The following FSD1L variants were observed in gnomAD, a reference collection of about 807,000 sequenced individuals.
The protein encoded by FSD1L is FSD1-like protein.
A neutral mutation model predicts 71.6 loss-of-function variants in FSD1L; 45 were observed. The observed-to-expected ratio is 0.63, with a 90% CI of 0.49 to 0.81. FSD1L has a LOEUF of 0.81. FSD1L is among the 30% of genes least tolerant of loss of function. FSD1L has a pLI of 0.00. For missense variants in FSD1L, 561 were observed against 618.1 expected, an observed-to-expected ratio of 0.91 and a Z score of 0.98; for synonymous variants, 197 against 207.2, an observed-to-expected ratio of 0.95 and a Z score of 0.42.
chr9:105,523,800 A>G, intron 10 of FSD1L: 1 of 1,600,820 alleles, frequency 6.2e-7, no homozygotes, highest in Non-Finnish European at 8.5e-7. Flanking sequence ...ATTACTTCAT[A>G]TTGACCAGGA....
intron 10 of FSD1L, chr9:105,520,927 TAG>T: frequency 6.2e-7 from 1 of 1,612,106 alleles, no homozygotes; most frequent in Non-Finnish European, 8.5e-7. Flanking sequence ...GTAAAAAGTT[TAG>T]AATGGAAGAA....
At chr9:105,500,198 T>C (rs935809732) in intron 7 of FSD1L, among the ~76,000 whole-genome samples, 6 of 152,230 alleles carry the variant, frequency 3.9e-5, no homozygotes, top group Non-Finnish European at 8.8e-5. Flanking sequence ...AGTCTTGTAA[T>C]TTTTTCTTGA....
At chr9:105,517,338 C>A (rs1834794003) in intron 10 of FSD1L, among the ~76,000 whole-genome samples, 1 of 152,144 alleles carries the variant, frequency 6.6e-6, no homozygotes, top group African/African-American at 2.4e-5. Context: ...CACAAACATA[C>A]TCCTCAAGAA....
intron 10 of FSD1L, chr9:105,531,068 A>G (rs1053383814): frequency 6.6e-6 from 1 of 152,320 alleles, no homozygotes; most frequent in Admixed American, 6.5e-5. Flanking sequence ...TCACCCTTTT[A>G]ATCCCTACTC....
intron 12 of FSD1L, among the ~76,000 whole-genome samples, chr9:105,535,811 A>G (rs1409214757): frequency 6.6e-6 from 1 of 152,182 alleles, no homozygotes; most frequent in Non-Finnish European, 1.5e-5. Flanking sequence ...AAAAAATTCA[A>G]GAAGATACCA....
At chr9:105,545,011 C>A (rs562124661) in intron 13 of FSD1L, among the ~76,000 whole-genome samples, 1 of 152,188 alleles carries the variant, frequency 6.6e-6, no homozygotes, top group African/African-American at 2.4e-5. Context: ...TATAAATTAC[C>A]TTGGGCAGTA....
intron 10 of FSD1L, among the ~76,000 whole-genome samples, chr9:105,533,416 C>CTTTTTTTTTTCTTTTT (rs1836035759): frequency 3.4e-5 from 1 of 29,070 alleles, no homozygotes; most frequent in African/African-American, 1.3e-4. Context: ...CCATTTCCAT[C>CTTTTTTTTTTCTTTTT]TTTTTTTTTT....
At chr9:105,524,094 G>T in intron 10 of FSD1L, 2 of 1,611,844 alleles carry the variant, frequency 1.2e-6, no homozygotes, top group South Asian at 2.2e-5. Flanking sequence ...ATTAAGCTCG[G>T]CAAGAGATGA....
In FSD1L at chr9:105,448,063, C is replaced by T; in HGVS notation, c.-158C>T. ...CACCCTGGCAACCGCGGCGTGACTA[C>T]GGCGCGCGCGGTCTGGGCGCGGACG... On this transcript the variant is annotated 5_prime_UTR_variant, in exon 1 of 14. In the 5' UTR this introduces an upstream ATG that the reference lacks. Transcript: ENST00000481272. The T allele has an allele frequency of 2.5e-6, 2 of 794,982 alleles. No individual in the cohort carries two copies. The highest frequency in any genetic ancestry group is 4.1e-6 in the Non-Finnish European group (2 of 483,982). The allele number at this position is 794,982 out of a possible 1,614,324, so 49.2% of individuals were successfully genotyped here.
intron 1 of FSD1L, among the ~76,000 whole-genome samples, chr9:105,461,011 G>A (rs997291784): frequency 1.3e-5 from 2 of 152,170 alleles, no homozygotes; most frequent in Non-Finnish European, 2.9e-5. Flanking sequence ...GGTAAAGGAA[G>A]TTGGTTGTAA....
At chr9:105,494,770 G>T (rs1689840055) in intron 7 of FSD1L, among the ~76,000 whole-genome samples, 1 of 152,184 alleles carries the variant, frequency 6.6e-6, no homozygotes, top group South Asian at 2.1e-4. Flanking sequence ...GTGCACTCCA[G>T]ACCCTGTTTG....
At position 105,546,573 on chromosome 9, in the gene FSD1L, T is replaced by C; in HGVS notation, c.*90T>C. On this transcript the variant is annotated 3_prime_UTR_variant, in exon 14 of 14. Coordinates refer to ENST00000481272, the MANE Select transcript of FSD1L (RefSeq NM_001145313.3). ...CACAGGAATTTGGTAGTAGTGAAAA[T>C]CAGGTTTGCTGTGTTCTGCTTTGAG... is the stretch of plus-strand genomic sequence containing the variant. 1 of 1,336,936 alleles carries C rather than the reference T, an allele frequency of 7.5e-7. No homozygotes were observed. The allele number at this position is 1,336,936 out of a possible 1,614,324, so 82.8% of individuals were successfully genotyped here.
At chr9:105,457,115 T>C (rs747292035) in intron 1 of FSD1L, among the ~76,000 whole-genome samples, 12 of 152,224 alleles carry the variant, frequency 7.9e-5, no homozygotes, top group Non-Finnish European at 1.5e-4. Context: ...TAACATGGGC[T>C]CATTCTATAA....
At chr9:105,479,534 A>G (rs571537069) in intron 6 of FSD1L, among the ~76,000 whole-genome samples, 158 bp downstream of exon 6, 1 of 152,348 alleles carries the variant, frequency 6.6e-6, no homozygotes, top group Non-Finnish European at 1.5e-5. Flanking sequence ...TGGAATAACC[A>G]TTGTATCAAT....
chr9:105,545,124 C>T (rs1836900350), intron 13 of FSD1L, among the ~76,000 whole-genome samples: 1 of 151,826 alleles, frequency 6.6e-6, no homozygotes, highest in South Asian at 2.1e-4. Flanking sequence ...TTGTAGTTCT[C>T]CTTGAAGAGG....
intron 7 of FSD1L, among the ~76,000 whole-genome samples, chr9:105,491,982 C>T (rs1018967473): frequency 1.4e-3 from 212 of 151,948 alleles, no homozygotes; most frequent in Admixed American, 2.4e-3. Context: ...TGTCTCTGCC[C>T]GGCTTTGGTA....
At chr9:105,520,049 C>T in intron 10 of FSD1L, 1 of 1,513,520 alleles carries the variant, frequency 6.6e-7, no homozygotes, top group Non-Finnish European at 8.8e-7. Flanking sequence ...CTAGTCTCCT[C>T]CCCGTCCACT....
rs556844373 is a variant in FSD1L at position 105,523,748 on chromosome 9, T to C, written c.1026-10745T>C. On this transcript the variant is annotated intron_variant, in intron 10 of 13. Coordinates refer to ENST00000481272, the MANE Select transcript of FSD1L (RefSeq NM_001145313.3). ...AAAGAAGACAAGATGTTTCTCCAAA[T>C]AGAGATTTTCTAACACATTTCTACA... 190 of 1,597,052 alleles carry C rather than the reference T, an allele frequency of 1.2e-4. 1 individual carries two copies. In the African/African-American group the frequency reaches 2.4e-3, roughly 20 times the overall value.
chr9:105,474,835 G>C (rs1404993449), intron 5 of FSD1L, among the ~76,000 whole-genome samples: 1 of 152,198 alleles, frequency 6.6e-6, no homozygotes, highest in Non-Finnish European at 1.5e-5. Context: ...CATGAGAACT[G>C]AATGTGAAGT....
Sources: gnomAD v4.1 joint callset for allele counts (sites outside exome capture counted in the v4.1 genomes callset) on GRCh38, gnomAD v4.1.1 for gene constraint, MANE v1.5 for transcripts, NCBI Gene and HGNC (gene_info 2026-07-23, HGNC 2026-07-21) for gene names.